FAM117B: variants seen among roughly 807,000 people sequenced by gnomAD.
The protein encoded by FAM117B is protein FAM117B.
FAM117B carries 22 observed loss-of-function variants against 52.8 expected under a neutral mutation model. The ratio of observed to expected loss-of-function variants is 0.42; its 90% confidence interval spans 0.30 to 0.59. The LOEUF (loss-of-function observed/expected upper bound fraction) is 0.59, where lower values mean the gene tolerates loss of function less well. FAM117B is among the 20% of genes least tolerant of loss of function. The probability of loss-of-function intolerance (pLI) is 0.22; values close to 1 mark genes in which losing one functional copy is unlikely to be tolerated. For missense variants in FAM117B, 678 were observed against 802.6 expected (o/e 0.84, Z 1.88); for synonymous variants, 309 against 324.1 (o/e 0.95, Z 0.50).
chr2:202,640,281 C>T (rs1689747912), intron 1 of FAM117B, among the ~76,000 whole-genome samples: 1 of 116,942 alleles, frequency 8.6e-6, no homozygotes, highest in African/African-American at 3.3e-5. Context: ...CAACAACCAC[C>T]ACCACCACCA....
chr2:202,658,059 A>C lies in FAM117B; in HGVS notation c.601+22271A>C, dbSNP rs1055904710. On this transcript the variant is annotated intron_variant, in intron 1 of 7. Coordinates refer to ENST00000392238, the MANE Select transcript of FAM117B (RefSeq NM_173511.4). ...GATTCTATATGTTACATCTTTAAAC[A>C]TTGAAAACCACATACTCAGCATTAT... Among the ~76,000 whole-genome samples the C allele has an allele frequency of 3.3e-5, 5 of 152,290 alleles. No individual in the cohort carries two copies. The South Asian group carries it at 1.0e-3, about 32-fold the overall frequency.
intron 2 of FAM117B, among the ~76,000 whole-genome samples, chr2:202,706,640 A>G (rs1046582328): frequency 1.3e-4 from 20 of 152,226 alleles, no homozygotes; most frequent in Non-Finnish European, 2.5e-4. Context: ...ATTTAGAGTA[A>G]AAATATCACT....
intron 1 of FAM117B, among the ~76,000 whole-genome samples, chr2:202,691,694 TGTGTGCGC>T (rs1234791096): frequency 7.5e-6 from 1 of 132,746 alleles, no homozygotes; most frequent in African/African-American, 3.0e-5. Flanking sequence ...TGTGTGTGTG[TGTGTGCGC>T]GCGCGCCTCC....
At chr2:202,641,395 A>G (rs932887823) in intron 1 of FAM117B, among the ~76,000 whole-genome samples, 1 of 152,180 alleles carries the variant, frequency 6.6e-6, no homozygotes, top group African/African-American at 2.4e-5. Flanking sequence ...TTTCAGAATG[A>G]CTTTGAATAG....
chr2:202,711,931 C>T (rs2105782366), intron 2 of FAM117B, among the ~76,000 whole-genome samples: 1 of 152,132 alleles, frequency 6.6e-6, no homozygotes, highest in Admixed American at 6.5e-5. Flanking sequence ...AATACCATGC[C>T]ATTTTGGTTA....
At chr2:202,657,905 G>C (rs1478582337) in intron 1 of FAM117B, among the ~76,000 whole-genome samples, 1 of 151,766 alleles carries the variant, frequency 6.6e-6, no homozygotes, top group African/African-American at 2.4e-5. Flanking sequence ...TTTTGTTTTT[G>C]GTGGCTGCTA....
chr2:202,636,096 C>T (rs1056102306), intron 1 of FAM117B, among the ~76,000 whole-genome samples: 2 of 152,090 alleles, frequency 1.3e-5, no homozygotes, highest in African/African-American at 4.8e-5. Flanking sequence ...ACCTGGCTTC[C>T]TGGCCTTACT....
intron 1 of FAM117B, among the ~76,000 whole-genome samples, chr2:202,656,397 A>G (rs1056511012): frequency 6.6e-6 from 1 of 152,034 alleles, no homozygotes; most frequent in Non-Finnish European, 1.5e-5. Context: ...ACAAAGTTTG[A>G]TATGTATTTT....
chr2:202,653,135 G>A (rs971420229), intron 1 of FAM117B, among the ~76,000 whole-genome samples: 6 of 152,042 alleles, frequency 3.9e-5, no homozygotes, highest in African/African-American at 1.4e-4. Context: ...AGATGAGGTG[G>A]CACACACCTG....
At chr2:202,761,508 T>TTTTTTG (rs1172823467) in intron 7 of FAM117B, among the ~76,000 whole-genome samples, 2 of 151,710 alleles carry the variant, frequency 1.3e-5, no homozygotes, top group African/African-American at 2.4e-5. Flanking sequence ...CATGGTTGGG[T>TTTTTTG]TTTTTGTTTT....
chr2:202,741,074 A>C (rs1375099531), intron 4 of FAM117B, among the ~76,000 whole-genome samples: 1 of 152,166 alleles, frequency 6.6e-6, no homozygotes, highest in Non-Finnish European at 1.5e-5. Flanking sequence ...TTTACATTGT[A>C]CTAGTGGTAT....
At chr2:202,656,004 A>G (rs762893704) in intron 1 of FAM117B, among the ~76,000 whole-genome samples, 11 of 152,108 alleles carry the variant, frequency 7.2e-5, no homozygotes, top group Non-Finnish European at 1.6e-4. Flanking sequence ...CTTTCAAGGA[A>G]TTGGTTTATT....
intron 2 of FAM117B, among the ~76,000 whole-genome samples, chr2:202,697,492 A>G (rs1026328489): frequency 2.6e-5 from 4 of 151,672 alleles, no homozygotes; most frequent in Non-Finnish European, 4.4e-5. Context: ...CTTGATTTAG[A>G]CTTCAGATTT....
chr2:202,751,360 A>G (rs559864181), intron 4 of FAM117B, among the ~76,000 whole-genome samples: 2 of 152,326 alleles, frequency 1.3e-5, no homozygotes, highest in South Asian at 2.1e-4. Flanking sequence ...TAAACTGTAT[A>G]TAGAGTTGTC....
At chr2:202,698,853 A>G (rs1224811600) in intron 2 of FAM117B, among the ~76,000 whole-genome samples, 3 of 152,198 alleles carry the variant, frequency 2.0e-5, no homozygotes, top group Non-Finnish European at 4.4e-5. Flanking sequence ...CTTAATCCAC[A>G]TGTCACATTT....
chr2:202,725,897 G>A (rs537948144), intron 3 of FAM117B, among the ~76,000 whole-genome samples: 2 of 152,202 alleles, frequency 1.3e-5, no homozygotes, highest in East Asian at 1.9e-4. Flanking sequence ...TTGAAAGCTA[G>A]GTGTTCAATA....
chr2:202,744,976 CAAAA>C lies in FAM117B; in HGVS notation c.961-10542_961-10539del, dbSNP rs58898446. Among the ~76,000 whole-genome samples, 83 of 59,250 alleles carry C rather than the reference CAAAA, an allele frequency of 1.4e-3. 1 individual carries two copies. Among genetic ancestry groups the C allele is most frequent in the Admixed American group, 2.6e-3 (11 of 4,164 alleles). The allele number at this position is 59,250 out of a possible 152,430, so 38.9% of individuals were successfully genotyped here. ...TGGGTGATAGAGTGAGACTCTGTCT[CAAAA>C]AAAAAAAAAAAAAAAAAAAGGCTGG... On this transcript the variant is annotated intron_variant, in intron 4 of 7. Coordinates refer to ENST00000392238, the MANE Select transcript of FAM117B (RefSeq NM_173511.4).
At chr2:202,749,400 C>G (rs147570577) in intron 4 of FAM117B, among the ~76,000 whole-genome samples, 2 of 149,448 alleles carry the variant, frequency 1.3e-5, no homozygotes, top group African/African-American at 4.9e-5. Flanking sequence ...TTTGGTTAAA[C>G]GTTTTAAAGC....
At chr2:202,656,607 T>A (rs1006998450) in intron 1 of FAM117B, among the ~76,000 whole-genome samples, 1 of 152,212 alleles carries the variant, frequency 6.6e-6, no homozygotes, top group Non-Finnish European at 1.5e-5. Flanking sequence ...TTGTTGAGGT[T>A]TATGTCCCAG....
Sources: allele counts gnomAD v4.1 joint callset (sites outside exome capture counted in the v4.1 genomes callset), GRCh38; gene constraint gnomAD v4.1.1; transcripts MANE v1.5; gene names NCBI Gene and HGNC (gene_info 2026-07-23, HGNC 2026-07-21).